CPXM2: variants seen among roughly 807,000 people sequenced by gnomAD.
The protein encoded by CPXM2 is inactive carboxypeptidase-like protein X2.
A neutral mutation model predicts 86.1 loss-of-function variants in CPXM2; 66 were observed. The observed-to-expected ratio is 0.77, with a 90% CI of 0.63 to 0.94. The LOEUF is 0.94. Ranked by LOEUF, CPXM2 falls within the 40% of genes least tolerant of loss-of-function variation. The pLI is 0.00. For missense variants in CPXM2, 948 were observed against 1,026.3 expected (o/e 0.92, Z 1.04); for synonymous variants, 388 against 400.2 (o/e 0.97, Z 0.36).
At chr10:123,890,965 T>C (rs1474866655) in intron 1 of CPXM2, among the ~76,000 whole-genome samples, 1 of 152,140 alleles carries the variant, frequency 6.6e-6, no homozygotes, top group African/African-American at 2.4e-5. Flanking sequence ...GCCATCCACA[T>C]CCCCAAAGCG....
intron 2 of CPXM2, among the ~76,000 whole-genome samples, chr10:123,923,306 C>T (rs536782514): frequency 3.3e-5 from 5 of 152,202 alleles, no homozygotes; most frequent in East Asian, 3.9e-4. Context: ...TCTTGCCGGG[C>T]GCGGTGGCTC....
intron 5 of CPXM2, 118 bp downstream of exon 5, chr10:123,798,997 A>G: frequency 9.0e-7 from 1 of 1,106,804 alleles, no homozygotes; most frequent in African/African-American, 1.5e-5. Flanking sequence ...CTGTAGTGGT[A>G]GGTTTGAGTT....
chr10:123,895,697 G>T (rs752250399), upstream of CPXM2, among the ~76,000 whole-genome samples: 2 of 152,220 alleles, frequency 1.3e-5, no homozygotes, highest in African/African-American at 4.8e-5. Flanking sequence ...TCCGCGTAGT[G>T]TAAGTAGAAC....
chr10:123,938,753 G>A (rs541685658), intron 2 of CPXM2, among the ~76,000 whole-genome samples: 2 of 152,318 alleles, frequency 1.3e-5, no homozygotes, highest in Middle Eastern at 3.4e-3. Flanking sequence ...ATACGCTCTG[G>A]TCTATGGTGA....
intron 2 of CPXM2, among the ~76,000 whole-genome samples, chr10:123,869,669 A>C (rs895213742): frequency 6.6e-6 from 1 of 151,608 alleles, no homozygotes; most frequent in African/African-American, 2.4e-5. Flanking sequence ...GCCTCATTCT[A>C]CCCCACCCCA....
intron 4 of CPXM2, among the ~76,000 whole-genome samples, chr10:123,801,666 T>G (rs1334069963): frequency 6.6e-6 from 1 of 152,228 alleles, no homozygotes; most frequent in Non-Finnish European, 1.5e-5. Context: ...TTATTTTAAG[T>G]ATTCTTATAT....
chr10:123,843,752 A>G (rs2134158094), intron 3 of CPXM2, among the ~76,000 whole-genome samples: 1 of 152,288 alleles, frequency 6.6e-6, no homozygotes, highest in East Asian at 1.9e-4. Context: ...AACTCTATCC[A>G]TCACTGTACC....
chr10:123,782,487 G>A (rs1032313180), intron 6 of CPXM2, among the ~76,000 whole-genome samples: 3 of 152,116 alleles, frequency 2.0e-5, no homozygotes, highest in Admixed American at 6.6e-5. Context: ...GAAAGGTATG[G>A]GTACCTTTTC....
At chr10:123,884,412 G>A (rs1328643113) in intron 1 of CPXM2, among the ~76,000 whole-genome samples, 2 of 152,184 alleles carry the variant, frequency 1.3e-5, no homozygotes, top group Non-Finnish European at 2.9e-5. Context: ...AGAAACGCCT[G>A]CTCTGTGCGA....
chr10:123,753,205 T>G (rs12240880), intron 13 of CPXM2, among the ~76,000 whole-genome samples: 14,384 of 152,128 alleles, frequency 0.095, 665 homozygotes, highest in South Asian at 0.15. Flanking sequence ...TCCACGGGGA[T>G]CAGTGGGAAG....
chr10:123,860,347 T>A (rs887035820), intron 3 of CPXM2, among the ~76,000 whole-genome samples: 1 of 152,208 alleles, frequency 6.6e-6, no homozygotes. Context: ...TGAGATCATT[T>A]GTTCCAAAGT....
upstream of CPXM2, among the ~76,000 whole-genome samples, chr10:123,894,483 G>A (rs112803914): frequency 1.5e-3 from 228 of 152,276 alleles, no homozygotes; most frequent in African/African-American, 5.3e-3. Context: ...AGAAGCCCAC[G>A]GCACTGTTCC....
intron 2 of CPXM2, among the ~76,000 whole-genome samples, chr10:123,875,803 C>CTTTCTTT (rs370635450): frequency 0.088 from 8,166 of 93,028 alleles, 355 homozygotes; most frequent in Non-Finnish European, 0.12. Context: ...TCTTTCTTTT[C>CTTTCTTT]TTTCTTTTTT....
chr10:123,875,397 A>C (rs1176660631), intron 2 of CPXM2, among the ~76,000 whole-genome samples: 1 of 151,860 alleles, frequency 6.6e-6, no homozygotes, highest in Non-Finnish European at 1.5e-5. Flanking sequence ...CTCCCCTGTC[A>C]CTCCCATAGG....
chr10:123,873,532 C>T (rs1321748267), intron 2 of CPXM2, among the ~76,000 whole-genome samples: 4 of 152,080 alleles, frequency 2.6e-5, no homozygotes, highest in South Asian at 4.2e-4. Context: ...TAAATGTGTG[C>T]GTGTGTGTTT....
chr10:123,903,987 C>G (rs934919600), intron 2 of CPXM2, among the ~76,000 whole-genome samples: 15 of 152,198 alleles, frequency 9.9e-5, no homozygotes, highest in African/African-American at 3.6e-4. Flanking sequence ...TTCACCCCAT[C>G]TCCTCCAATG....
rs576231908 is a variant in CPXM2, at chr10:123,774,342, G to A, written c.979-3303C>T. The stretch of plus-strand genomic sequence containing the variant: ...CGTTCTAGCAAGCTGCCAAAAAATC[G>A]GATCAACCGAATTATCCATAAAATG... On this transcript the variant is annotated intron_variant, in intron 7 of 13. Transcript: ENST00000241305. Among the ~76,000 whole-genome samples the A allele has an allele frequency of 4.6e-5, 7 of 152,314 alleles. No homozygotes were observed. The South Asian group carries it at 1.5e-3, about 32-fold the overall frequency.
chr10:123,878,074 GT>G (rs1945017082), intron 2 of CPXM2, among the ~76,000 whole-genome samples: 1 of 152,080 alleles, frequency 6.6e-6, no homozygotes, highest in South Asian at 2.1e-4. Context: ...TGCAACCTGA[GT>G]AGATCCTGAC....
At chr10:123,879,100 T>C (rs148537749) in intron 2 of CPXM2, among the ~76,000 whole-genome samples, 5 of 152,254 alleles carry the variant, frequency 3.3e-5, no homozygotes, top group African/African-American at 1.2e-4. Context: ...ATTTGGTAAG[T>C]GACCACAGAA....
Sources: allele counts gnomAD v4.1 joint callset (sites outside exome capture counted in the v4.1 genomes callset), GRCh38; gene constraint gnomAD v4.1.1; transcripts MANE v1.5; gene names NCBI Gene and HGNC (gene_info 2026-07-23, HGNC 2026-07-21).